RHOJ: variants seen among roughly 807,000 people sequenced by gnomAD.
RHOJ encodes rho-related GTP-binding protein RhoJ.
A neutral mutation model predicts 23.4 loss-of-function variants in RHOJ; 11 were observed. The observed-to-expected ratio is 0.47, with a 90% CI of 0.30 to 0.78. RHOJ has a LOEUF of 0.78. Ranked by LOEUF, RHOJ falls within the 30% of genes least tolerant of loss-of-function variation. The pLI is 0.08. For missense variants in RHOJ, 254 were observed against 273.4 expected, an observed-to-expected ratio of 0.93 and a Z score of 0.50; for synonymous variants, 102 against 102.7, an observed-to-expected ratio of 0.99 and a Z score of 0.04.
intron 1 of RHOJ, among the ~76,000 whole-genome samples, chr14:63,251,368 C>T (rs1484470258): frequency 1.3e-5 from 2 of 152,124 alleles, no homozygotes; most frequent in Admixed American, 6.6e-5. Flanking sequence ...AAGTATATAG[C>T]CATAGTTACT....
intron 2 of RHOJ, among the ~76,000 whole-genome samples, chr14:63,274,574 G>A (rs1319571431): frequency 6.6e-6 from 1 of 152,186 alleles, no homozygotes; most frequent in Non-Finnish European, 1.5e-5. Context: ...ACCAGCAGCT[G>A]TTGTTGATAT....
intron 1 of RHOJ, among the ~76,000 whole-genome samples, chr14:63,219,769 T>C (rs1253724511): frequency 6.7e-6 from 1 of 148,688 alleles, no homozygotes; most frequent in African/African-American, 2.5e-5. Flanking sequence ...TGAGCCAAGA[T>C]CGCACCACTG....
intron 1 of RHOJ, among the ~76,000 whole-genome samples, chr14:63,242,959 T>C (rs1894910276): frequency 6.6e-6 from 1 of 151,428 alleles, no homozygotes; most frequent in African/African-American, 2.4e-5. Flanking sequence ...TTCAGATCAA[T>C]ATGTTGTGTC....
At position 63,243,926 on chromosome 14, in the gene RHOJ, T is replaced by C. The variant is rs553889625; in HGVS notation, c.179-25184T>C. ...GCGTAATTGTGCAAAAGGCACTCTT[T>C]CTGATGTGATGCCAAAAGATTGACA... is the stretch of plus-strand genomic sequence containing the variant. On this transcript the variant is annotated intron_variant, in intron 1 of 4. Coordinates refer to ENST00000316754, the MANE Select transcript of RHOJ (RefSeq NM_020663.5). Among the ~76,000 whole-genome samples the C allele has an allele frequency of 1.2e-4, 19 of 152,314 alleles. No homozygotes were observed. The South Asian group carries it at 3.5e-3, about 28-fold the overall frequency.
intron 1 of RHOJ, among the ~76,000 whole-genome samples, 192 bp from the exon 2 acceptor site, chr14:63,268,918 G>A (rs1283363304): frequency 1.3e-5 from 2 of 152,174 alleles, no homozygotes; most frequent in African/African-American, 4.8e-5. Context: ...CAGACCATCT[G>A]CCATCACTGC....
At chr14:63,259,426 C>T (rs1895235548) in intron 1 of RHOJ, among the ~76,000 whole-genome samples, 1 of 152,208 alleles carries the variant, frequency 6.6e-6, no homozygotes, top group South Asian at 2.1e-4. Context: ...CTTTCACCAG[C>T]TTTGAAACTC....
At chr14:63,285,991 C>T (rs925344900) in intron 4 of RHOJ, among the ~76,000 whole-genome samples, 1 of 152,150 alleles carries the variant, frequency 6.6e-6, no homozygotes. Flanking sequence ...TCACACTGTG[C>T]CTTTTGTCGT....
At chr14:63,221,690 A>C (rs1212056307) in intron 1 of RHOJ, among the ~76,000 whole-genome samples, 2 of 152,204 alleles carry the variant, frequency 1.3e-5, no homozygotes, top group Non-Finnish European at 2.9e-5. Context: ...ATTGTCATGC[A>C]ATTTCCAAAG....
At chr14:63,243,446 TCTC>T (rs1894920253) in intron 1 of RHOJ, among the ~76,000 whole-genome samples, 1 of 152,162 alleles carries the variant, frequency 6.6e-6, no homozygotes, top group Non-Finnish European at 1.5e-5. Context: ...CTCAAGCGAT[TCTC>T]CTGCCTCAGC....
intron 1 of RHOJ, among the ~76,000 whole-genome samples, chr14:63,240,670 T>C (rs1594761451): frequency 1.3e-5 from 2 of 152,172 alleles, no homozygotes; most frequent in African/African-American, 4.8e-5. Context: ...CCACAAACTA[T>C]AGGGTCACTT....
chr14:63,209,222 C>G (rs952082165), intron 1 of RHOJ, among the ~76,000 whole-genome samples: 1 of 152,174 alleles, frequency 6.6e-6, no homozygotes, highest in Admixed American at 6.5e-5. Context: ...CCCCTATCAT[C>G]AATTCTCCAC....
intron 4 of RHOJ, chr14:63,288,119 A>G (rs1378513476): frequency 1.4e-5 from 13 of 937,054 alleles, no homozygotes; most frequent in Middle Eastern, 5.4e-4. Context: ...TTTTTCTATC[A>G]GTACAACATA....
chr14:63,222,030 G>A (rs868374156), intron 1 of RHOJ, among the ~76,000 whole-genome samples: 6 of 135,728 alleles, frequency 4.4e-5, no homozygotes, highest in African/African-American at 1.7e-4. Flanking sequence ...GTGTCCAAGC[G>A]TTCTCATTGT....
rs776349078 is a variant in RHOJ at position 63,269,125 on chromosome 14, G to T, written c.194G>T (p.Gly65Val). 4 of 1,613,084 alleles carry T rather than the reference G, an allele frequency of 2.5e-6. No homozygotes were observed. Among genetic ancestry groups the T allele is most frequent in the Non-Finnish European group, 3.4e-6 (4 of 1,179,152 alleles). Residue 65 changes from glycine (G) to valine (V), a missense_variant, in exon 2 of 5, where the codon GGA (glycine) becomes GTA (valine). By Grantham distance (109) the Gly-to-Val change is moderately radical. Coordinates refer to ENST00000316754, the MANE Select transcript of RHOJ (RefSeq NM_020663.5). The part of the protein sequence containing the change: ...FDHYAVTVTV[G>V]GKQHLLGLYD... ...TCTCCCCTAGTTACTGTGACTGTGG[G>T]AGGCAAGCAACACTTGCTCGGACTG...
intron 1 of RHOJ, among the ~76,000 whole-genome samples, chr14:63,217,378 A>G (rs1313662204): frequency 6.6e-6 from 1 of 151,854 alleles, no homozygotes; most frequent in East Asian, 1.9e-4. Flanking sequence ...GAGAATGATG[A>G]TTTCCAATTT....
Position 63,291,711 on chromosome 14 carries a change from C to A in RHOJ, c.*687C>A, listed in dbSNP as rs58275148. On this transcript the variant is annotated 3_prime_UTR_variant, in exon 5 of 5. Coordinates refer to ENST00000316754, the MANE Select transcript of RHOJ (RefSeq NM_020663.5). ...AATTTACAGAGCCATGATTTTTGAA[C>A]CTAATTGAAAGAAAACCATCTGAAT... The A allele has an allele frequency of 3.1e-3, 486 of 155,228 alleles. 13 individuals carry two copies. The East Asian group carries it at 0.05, about 16-fold the overall frequency. 9.6% of individuals were successfully genotyped at this position (155,228 alleles called of 1,614,324 possible).
chr14:63,216,913 A>G (rs1172666707), intron 1 of RHOJ, among the ~76,000 whole-genome samples: 3 of 151,878 alleles, frequency 2.0e-5, no homozygotes, highest in East Asian at 1.9e-4. Flanking sequence ...CTTTCCCTCA[A>G]GCTGAGCAAA....
chr14:63,215,705 C>G (rs1460373032), intron 1 of RHOJ, among the ~76,000 whole-genome samples: 1 of 152,194 alleles, frequency 6.6e-6, no homozygotes, highest in Non-Finnish European at 1.5e-5. Context: ...GGGGCCCACT[C>G]TGATTAAGTT....
chr14:63,287,014 T>G (rs1298927849), intron 4 of RHOJ, among the ~76,000 whole-genome samples: 1 of 152,248 alleles, frequency 6.6e-6, no homozygotes. Context: ...AATACAGAAC[T>G]ACTCTGCTAC....
Sources: gnomAD v4.1 joint callset for allele counts (sites outside exome capture counted in the v4.1 genomes callset) on GRCh38, gnomAD v4.1.1 for gene constraint, MANE v1.5 for transcripts, NCBI Gene and HGNC (gene_info 2026-07-23, HGNC 2026-07-21) for gene names.